PNPLA7: variants seen among roughly 807,000 people sequenced by gnomAD.
PNPLA7 encodes patatin like domain 7, lysophospholipase.
In PNPLA7, 153 loss-of-function variants were observed where a neutral mutation model predicts 161.7. The ratio of observed to expected loss-of-function variants is 0.95; its 90% CI spans 0.83 to 1.08. The LOEUF (loss-of-function observed/expected upper bound fraction) is 1.08. Ranked by LOEUF, PNPLA7 falls within the 50% of genes least tolerant of loss-of-function variation. The pLI, the probability that PNPLA7 is intolerant of heterozygous loss-of-function variation, is 0.00. For synonymous variants in PNPLA7, 809 were observed against 782.1 expected (o/e 1.03, Z -0.57); for missense variants, 1,739 against 1,856.6 (o/e 0.94, Z 1.16).
intron 25 of PNPLA7, among the ~76,000 whole-genome samples, chr9:137,475,850 C>G (rs963955126): frequency 2.6e-5 from 4 of 152,036 alleles, no homozygotes; most frequent in African/African-American, 9.7e-5. Context: ...AATTCTATAC[C>G]CAGCCAAACT....
chr9:137,521,520 C>G (rs1834989557), intron 10 of PNPLA7, 116 bp downstream of exon 10: 1 of 960,216 alleles, frequency 1.0e-6, no homozygotes, highest in Admixed American at 2.3e-5. Flanking sequence ...GGGAAGACCA[C>G]AGCTGTTGCT....
rs778746682 is a variant in PNPLA7, at chr9:137,515,510, C to A, written c.1094G>T (p.Gly365Val). 1.4e-5 allele frequency: 21 copies of A among 1,553,502 alleles called. No homozygotes were observed. Among genetic ancestry groups the A allele is most frequent in the Non-Finnish European group, 1.7e-5 (20 of 1,152,698 alleles). The change falls in exon 12 of 35, where the codon GGC becomes GTC. Residue 365 changes from glycine (G) to valine (V), a missense_variant. By Grantham distance (109) the Gly-to-Val change is moderately radical (BLOSUM62 -3). Around this residue, in one of 6 missense-constraint regions of PNPLA7, gnomAD observed 481 missense variants for 450.0 expected, o/e 1.07. Transcript: ENST00000406427. The part of the protein sequence containing the change: ...LQESCDSDHG[G>V]GRPAAAGPLL... The stretch of plus-strand genomic sequence containing the variant: ...GGGCCCAGCAGCTGCCGGGCGGCCG[C>A]CCCCGTGATCTGCTGGGGAGGCAGC...
At chr9:137,487,960 G>A (rs761541079) in intron 20 of PNPLA7, among the ~76,000 whole-genome samples, 16 of 152,272 alleles carry the variant, frequency 1.1e-4, no homozygotes, top group Non-Finnish European at 1.9e-4. Context: ...GGGGGACTCA[G>A]GCCCAGATGA....
intron 26 of PNPLA7, 144 bp from the exon 27 acceptor site, chr9:137,464,600 C>T (rs1283707667): frequency 9.2e-6 from 7 of 761,844 alleles, no homozygotes; most frequent in East Asian, 5.2e-5. Flanking sequence ...TGAGGCTTGG[C>T]GCCCTGGCTG....
Position 137,468,102 on chromosome 9 carries a change from C to T in PNPLA7, c.2883-629G>A, listed in dbSNP as rs1420234938. ...CTTGAGGGGCCCTGGAAGGGAGGAG[C>T]CTGGGAAGCATCCTGAGGGGCAGCA... On this transcript the variant is annotated intron_variant, in intron 25 of 34. Transcript: ENST00000406427. This position sits in a 1 kb window ranked among gnomAD's most constrained non-coding sequence, Gnocchi z 4.0. Among the ~76,000 whole-genome samples, 1 of 151,816 alleles carries T rather than the reference C, an allele frequency of 6.6e-6. No homozygotes were observed. The highest frequency in any genetic ancestry group is 1.5e-5 in the Non-Finnish European group (1 of 67,928).
chr9:137,500,489 G>A lies in PNPLA7; in HGVS notation c.1757+202C>T, dbSNP rs1588612931. 1.3e-5 allele frequency among the ~76,000 whole-genome samples: 2 copies of A among 152,296 alleles called. No homozygotes were observed. The highest frequency in any genetic ancestry group is 3.9e-4 in the East Asian group (2 of 5,178). On this transcript the variant is annotated intron_variant, in intron 16 of 34. Coordinates refer to ENST00000406427, the MANE Select transcript of PNPLA7 (RefSeq NM_001098537.3). This position sits in a 1 kb window ranked among gnomAD's most constrained non-coding sequence, Gnocchi z 5.5. ...CAGAGACGGCCGTGCGAAGCTGATC[G>A]CTGCGGGCAGGTGGGGTCGGCTGAC... is the stretch of plus-strand genomic sequence containing the variant.
Position 137,500,636 on chromosome 9 carries a change from T to C in PNPLA7, c.1757+55A>G, listed in dbSNP as rs1833342103. Reference sequence around the variant, plus strand: ...AAGAGGCCGGCCACGCGGGGAGGGGTCTCAGGGCAGGGGGGGCTGGGGCCC... The same window carrying C: ...AAGAGGCCGGCCACGCGGGGAGGGGCCTCAGGGCAGGGGGGGCTGGGGCCC... On this transcript the variant is annotated intron_variant, in intron 16 of 34. Coordinates refer to ENST00000406427, the MANE Select transcript of PNPLA7 (RefSeq NM_001098537.3). This position sits in a 1 kb window ranked among gnomAD's most constrained non-coding sequence, Gnocchi z 5.5. The C allele has an allele frequency of 6.5e-7, 1 of 1,539,308 alleles. No homozygotes were observed. The highest frequency in any genetic ancestry group is 8.9e-7 in the Non-Finnish European group (1 of 1,122,712).
intron 10 of PNPLA7, 76 bp downstream of exon 10, chr9:137,521,560 G>C: frequency 4.1e-6 from 6 of 1,455,108 alleles, no homozygotes; most frequent in Non-Finnish European, 5.7e-6. Flanking sequence ...CTGGGCGCCT[G>C]CCGTGCCAAC....
rs2132474233 is a variant in PNPLA7 at position 137,520,196 on chromosome 9, G to A, written c.958-153C>T. On this transcript the variant is annotated intron_variant, in intron 10 of 34. Transcript: ENST00000406427. The surrounding 1 kb of genome is among the most constrained non-coding windows in gnomAD (Gnocchi z 5.2). ...GTGTGACAGGTGTGGGACTCTCAAAGGTGTGACAGGTGTGGGCCTCTCAAA... is the reference window on the plus strand; with the variant it reads ...GTGTGACAGGTGTGGGACTCTCAAAAGTGTGACAGGTGTGGGCCTCTCAAA... Among the ~76,000 whole-genome samples the A allele has an allele frequency of 6.6e-6, 1 of 152,160 alleles. No homozygotes were observed. The highest frequency in any genetic ancestry group is 1.5e-5 in the Non-Finnish European group (1 of 67,988).
chr9:137,506,306 C>T (rs1050960193), intron 12 of PNPLA7, among the ~76,000 whole-genome samples: 2 of 152,214 alleles, frequency 1.3e-5, no homozygotes, highest in South Asian at 2.1e-4. Flanking sequence ...TAAACCCACA[C>T]GGTGCCTTCA....
Position 137,520,405 on chromosome 9 carries a change from C to T in PNPLA7, c.958-362G>A, listed in dbSNP as rs889253538. Among the ~76,000 whole-genome samples the T allele has an allele frequency of 6.6e-6, 1 of 152,154 alleles. No individual in the cohort carries two copies. The highest frequency in any genetic ancestry group is 1.5e-5 in the Non-Finnish European group (1 of 68,028). ...AACACTTGATCAAGTCAACATACTG[C>T]CCCAAATTGTCAGAACCTTAATACT... On this transcript the variant is annotated intron_variant, in intron 10 of 34. Coordinates refer to ENST00000406427, the MANE Select transcript of PNPLA7 (RefSeq NM_001098537.3). The surrounding 1 kb of genome is among the most constrained non-coding windows in gnomAD (Gnocchi z 5.2).
intron 25 of PNPLA7, among the ~76,000 whole-genome samples, chr9:137,472,954 C>CAAA (rs200651828): frequency 7.4e-6 from 1 of 134,782 alleles, no homozygotes; most frequent in Non-Finnish European, 1.6e-5. Flanking sequence ...GACTCCGTCT[C>CAAA]AAAAAAGAAA....
Position 137,547,302 on chromosome 9 carries a change from T to C in PNPLA7, c.193+7A>G. On this transcript the variant is annotated splice_region_variant and intron_variant, in intron 3 of 34. Transcript: ENST00000406427. The surrounding 1 kb of genome is among the most constrained non-coding windows in gnomAD (Gnocchi z 4.6). ...CCCCGGGCCAGAGTCGGAACCAAGATACTCACGAAATTGTCTAAGCCTTCT... is the reference window on the plus strand; with the variant it reads ...CCCCGGGCCAGAGTCGGAACCAAGACACTCACGAAATTGTCTAAGCCTTCT... 6.2e-7 allele frequency: 1 copy of C among 1,613,188 alleles called. No individual in the cohort carries two copies. The highest frequency in any genetic ancestry group is 8.5e-7 in the Non-Finnish European group (1 of 1,179,718).
In PNPLA7 at chr9:137,472,454, C is replaced by G. The variant is rs531195129; in HGVS notation, c.2883-4981G>C. The stretch of plus-strand genomic sequence containing the variant: ...TCACTTGAGGTCAGGAGATCAAGAC[C>G]AGCCTGGCCAACATGGTGAAACCCC... On this transcript the variant is annotated intron_variant, in intron 25 of 34. Transcript: ENST00000406427. Among the ~76,000 whole-genome samples the G allele has an allele frequency of 3.3e-5, 5 of 151,464 alleles. No individual in the cohort carries two copies. The South Asian group carries it at 1.0e-3, about 32-fold the overall frequency.
chr9:137,516,833 A>T (rs200414435), intron 11 of PNPLA7, among the ~76,000 whole-genome samples: 89 of 149,954 alleles, frequency 5.9e-4, no homozygotes, highest in South Asian at 1.9e-3. Flanking sequence ...TAATAATAAT[A>T]ATTATTATTA....
intron 8 of PNPLA7, among the ~76,000 whole-genome samples, chr9:137,532,153 T>G (rs1588693847): frequency 6.6e-6 from 1 of 152,228 alleles, no homozygotes; most frequent in South Asian, 2.1e-4. Flanking sequence ...AATGGTGGGT[T>G]GGGCCAGGCA....
At chr9:137,512,627 A>G (rs1196911062) in intron 12 of PNPLA7, among the ~76,000 whole-genome samples, 1 of 152,080 alleles carries the variant, frequency 6.6e-6, no homozygotes, top group Non-Finnish European at 1.5e-5. Flanking sequence ...GCATTATACA[A>G]CCATCACTAG....
chr9:137,466,039 C>A (rs1477971739), intron 26 of PNPLA7, among the ~76,000 whole-genome samples: 1 of 152,186 alleles, frequency 6.6e-6, no homozygotes, highest in Admixed American at 6.5e-5. Flanking sequence ...ACTGAGCCGC[C>A]CTGACCTGAT....
chr9:137,500,634 G>A lies in PNPLA7; in HGVS notation c.1757+57C>T. Reference sequence around the variant, plus strand: ...GGAAGAGGCCGGCCACGCGGGGAGGGGTCTCAGGGCAGGGGGGGCTGGGGC... The same window carrying A: ...GGAAGAGGCCGGCCACGCGGGGAGGAGTCTCAGGGCAGGGGGGGCTGGGGC... On this transcript the variant is annotated intron_variant, in intron 16 of 34. Coordinates refer to ENST00000406427, the MANE Select transcript of PNPLA7 (RefSeq NM_001098537.3). The surrounding 1 kb of genome is among the most constrained non-coding windows in gnomAD (Gnocchi z 5.5). 6.5e-7 allele frequency: 1 copy of A among 1,537,130 alleles called. No individual in the cohort carries two copies. Among genetic ancestry groups the A allele is most frequent in the South Asian group, 1.1e-5 (1 of 87,466 alleles).
Sources: gnomAD v4.1 joint callset for allele counts (sites outside exome capture counted in the v4.1 genomes callset) on GRCh38, gnomAD v4.1.1 for gene constraint, gnomAD v4.1.1 regional missense constraint, Gnocchi (gnomAD v3.1) non-coding constraint, MANE v1.5 for transcripts, NCBI Gene and HGNC (gene_info 2026-07-23, HGNC 2026-07-21) for gene names.